The following ANTXR1 variants were observed in gnomAD, a reference collection of about 807,000 sequenced individuals.
The protein encoded by ANTXR1 is anthrax toxin receptor 1.
Under a neutral mutation model 78.1 loss-of-function variants are expected in ANTXR1, and 19 were observed. That is an observed-to-expected ratio of 0.24 (90% CI 0.17 to 0.36). ANTXR1 has a LOEUF of 0.36. Ranked by LOEUF, ANTXR1 falls within the 10% of genes least tolerant of loss-of-function variation. The pLI, the probability that ANTXR1 is intolerant of heterozygous loss-of-function variation, is 1.00. For synonymous variants in ANTXR1, 273 were observed against 260.5 expected (o/e 1.05, Z -0.46); for missense variants, 518 against 718.6 (o/e 0.72, Z 3.19).
chr2:69,225,216 CAT>C (rs1461772894), intron 17 of ANTXR1, among the ~76,000 whole-genome samples: 5 of 152,212 alleles, frequency 3.3e-5, no homozygotes, highest in African/African-American at 7.2e-5. Flanking sequence ...GGCTAACCCA[CAT>C]GTTACTGGAT....
At chr2:69,114,016 A>T (rs1672067158) in intron 10 of ANTXR1, among the ~76,000 whole-genome samples, 2 of 152,188 alleles carry the variant, frequency 1.3e-5, no homozygotes, top group Non-Finnish European at 1.5e-5. Context: ...AGAACGCTGA[A>T]CCCCATTAGC....
intron 14 of ANTXR1, among the ~76,000 whole-genome samples, chr2:69,181,434 G>C (rs983971278): frequency 1.3e-5 from 2 of 152,192 alleles, no homozygotes; most frequent in African/African-American, 4.8e-5. Context: ...TGTCAAGTGA[G>C]CAGTTGGAGT....
intron 8 of ANTXR1, 51 bp from the exon 9 acceptor site, chr2:69,090,808 C>G (rs761159207): frequency 6.3e-7 from 1 of 1,586,534 alleles, no homozygotes; most frequent in Non-Finnish European, 8.6e-7. Context: ...CTGATTCTGT[C>G]TTTGAACAAA....
intron 14 of ANTXR1, among the ~76,000 whole-genome samples, chr2:69,178,869 T>C (rs1355374720): frequency 6.6e-6 from 1 of 152,146 alleles, no homozygotes; most frequent in Non-Finnish European, 1.5e-5. Context: ...TTAGATGAGC[T>C]CCTAAAAAAT....
Position 69,169,296 on chromosome 2 carries a change from A to G in ANTXR1, c.1048-952A>G, listed in dbSNP as rs538875563. On this transcript the variant is annotated intron_variant, in intron 13 of 17. Transcript: ENST00000303714. ...TGGATTTGCCAGAAGTCCTCTAAGT[A>G]AAAGAACTGAGTAGGGGACCCAAAA... 2.0e-5 allele frequency among the ~76,000 whole-genome samples: 3 copies of G among 152,388 alleles called. No individual in the cohort carries two copies. In the South Asian group the frequency reaches 6.2e-4, roughly 32 times the overall value.
chr2:69,125,867 C>T (rs751615804), intron 12 of ANTXR1, among the ~76,000 whole-genome samples: 1 of 152,022 alleles, frequency 6.6e-6, no homozygotes, highest in Non-Finnish European at 1.5e-5. Context: ...AAGACATCAG[C>T]CCCTAACATG....
chr2:69,161,147 C>G (rs536524868), intron 13 of ANTXR1, among the ~76,000 whole-genome samples: 1 of 152,174 alleles, frequency 6.6e-6, no homozygotes, highest in Non-Finnish European at 1.5e-5. Context: ...AATCTGAAAT[C>G]ATGGATTTAT....
chr2:69,111,224 T>C (rs1326182824), intron 10 of ANTXR1, among the ~76,000 whole-genome samples: 1 of 152,238 alleles, frequency 6.6e-6, no homozygotes, highest in Non-Finnish European at 1.5e-5. Flanking sequence ...TCACACAAAC[T>C]GTATTTACTC....
At chr2:69,061,928 A>C (rs140826041) in intron 3 of ANTXR1, among the ~76,000 whole-genome samples, 34 of 152,316 alleles carry the variant, frequency 2.2e-4, no homozygotes, top group African/African-American at 7.9e-4. Context: ...CTTCATTTCC[A>C]TGGTCAACCA....
At chr2:69,242,116 T>C (rs1338631148) in intron 17 of ANTXR1, among the ~76,000 whole-genome samples, 1 of 152,150 alleles carries the variant, frequency 6.6e-6, no homozygotes, top group East Asian at 1.9e-4. Context: ...AGGTGACCCA[T>C]GGGCGTACCC....
chr2:69,053,467 C>T (rs556670061), intron 3 of ANTXR1, among the ~76,000 whole-genome samples: 6 of 152,200 alleles, frequency 3.9e-5, no homozygotes, highest in Admixed American at 2.6e-4. Flanking sequence ...TCTAGGATCC[C>T]GGGGTGGTGG....
At chr2:69,196,555 C>T (rs62134901) in intron 17 of ANTXR1, among the ~76,000 whole-genome samples, 40,893 of 152,050 alleles carry the variant, frequency 0.27, 7,136 homozygotes, top group East Asian at 0.77. Flanking sequence ...CTATATGCTT[C>T]TTCTGTTTTG....
chr2:69,151,728 C>T (rs1239884794), intron 12 of ANTXR1, among the ~76,000 whole-genome samples: 2 of 152,154 alleles, frequency 1.3e-5, no homozygotes, highest in Non-Finnish European at 2.9e-5. Flanking sequence ...CTGTTACATG[C>T]ACCTGTGTGA....
chr2:69,206,468 T>C (rs1318069532), intron 17 of ANTXR1, among the ~76,000 whole-genome samples: 1 of 152,190 alleles, frequency 6.6e-6, no homozygotes. Flanking sequence ...TCATCTGTGT[T>C]TCTATGCAAC....
intron 3 of ANTXR1, among the ~76,000 whole-genome samples, chr2:69,047,347 C>T (rs148364405): frequency 3.4e-5 from 5 of 147,300 alleles, no homozygotes; most frequent in East Asian, 4.2e-4. Flanking sequence ...ATAATGCCTA[C>T]GATTTGTGTC....
intron 9 of ANTXR1, among the ~76,000 whole-genome samples, chr2:69,098,211 T>C (rs985028522): frequency 3.9e-5 from 6 of 152,332 alleles, no homozygotes; most frequent in African/African-American, 1.4e-4. Context: ...TATCAAATCA[T>C]ACACTTTATG....
intron 17 of ANTXR1, among the ~76,000 whole-genome samples, chr2:69,219,252 C>T (rs190133252): frequency 2.3e-4 from 35 of 152,150 alleles, no homozygotes; most frequent in African/African-American, 8.4e-4. Context: ...AGGCCCTTGC[C>T]GTGACTGTAA....
At chr2:69,086,482 C>T (rs1398011700) in intron 8 of ANTXR1, among the ~76,000 whole-genome samples, 1 of 152,254 alleles carries the variant, frequency 6.6e-6, no homozygotes, top group African/African-American at 2.4e-5. Flanking sequence ...CAAAAGTCAA[C>T]TTACCAGAAA....
intron 14 of ANTXR1, among the ~76,000 whole-genome samples, chr2:69,177,773 C>A (rs760752806): frequency 3.3e-5 from 5 of 152,180 alleles, no homozygotes. Flanking sequence ...GTGCAGCCCA[C>A]AACCCCTGAC....
Sources: allele counts gnomAD v4.1 joint callset (sites outside exome capture counted in the v4.1 genomes callset), GRCh38; gene constraint gnomAD v4.1.1; transcripts MANE v1.5; gene names NCBI Gene and HGNC (gene_info 2026-07-23, HGNC 2026-07-21).